Variants in WWP2 observed in about 807,000 individuals in gnomAD.
WWP2 encodes WW domain containing E3 ubiquitin protein ligase 2, also known as NEDD4-like E3 ubiquitin-protein ligase WWP2.
Under a neutral mutation model 121.0 loss-of-function variants are expected in WWP2, and 57 were observed. The observed-to-expected ratio is 0.47, with a 90% confidence interval of 0.38 to 0.59. WWP2 has a LOEUF of 0.59. WWP2 is among the 20% of genes least tolerant of loss of function. The pLI, the probability that WWP2 is intolerant of heterozygous loss-of-function variation, is 0.00. For synonymous variants in WWP2, 449 were observed against 441.3 expected (o/e 1.02, Z -0.22); for missense variants, 962 against 1,158.9 (o/e 0.83, Z 2.47).
chr16:69,933,163 A>G (rs1401909782), intron 16 of WWP2: 1 of 498,618 alleles, frequency 2.0e-6, no homozygotes, highest in South Asian at 1.5e-5. Flanking sequence ...AGAACCACGG[A>G]CAGGATACCG....
In WWP2 at chr16:69,925,658, C is replaced by A. The variant is rs2058629593; in HGVS notation, c.1234+174C>A. On this transcript the variant is annotated intron_variant, in intron 11 of 23. Coordinates refer to ENST00000359154, the MANE Select transcript of WWP2 (RefSeq NM_001270454.2). This position sits in a 1 kb window ranked among gnomAD's most constrained non-coding sequence, Gnocchi z 4.0. The stretch of plus-strand genomic sequence containing the variant: ...AGCAATTACAGGTGATGGAGCTGGG[C>A]AGCTGGGAAAGTAACCAAGCTCCAC... 6.6e-6 allele frequency among the ~76,000 whole-genome samples: 1 copy of A among 152,202 alleles called. No individual in the cohort carries two copies. The highest frequency in any genetic ancestry group is 2.1e-4 in the South Asian group (1 of 4,828).
intron 10 of WWP2, among the ~76,000 whole-genome samples, chr16:69,921,347 T>C (rs1349312938): frequency 6.6e-6 from 1 of 152,216 alleles, no homozygotes; most frequent in Non-Finnish European, 1.5e-5. Context: ...TAAGACCCAA[T>C]ACTAGACTAG....
chr16:69,932,444 G>A (rs1211362622), intron 16 of WWP2, among the ~76,000 whole-genome samples: 1 of 152,270 alleles, frequency 6.6e-6, no homozygotes, highest in Non-Finnish European at 1.5e-5. Flanking sequence ...TTTAGTTACT[G>A]GGTCATGAGG....
At chr16:69,763,839 C>T (rs756321218) in intron 1 of WWP2, among the ~76,000 whole-genome samples, 18 of 152,166 alleles carry the variant, frequency 1.2e-4, no homozygotes, top group Admixed American at 2.6e-4. Flanking sequence ...GTCACACCGG[C>T]GTAAGTGGTG....
chr16:69,862,869 G>A (rs928848001), intron 6 of WWP2, among the ~76,000 whole-genome samples: 1 of 151,900 alleles, frequency 6.6e-6, no homozygotes, highest in Non-Finnish European at 1.5e-5. Flanking sequence ...GGGATCACAG[G>A]CACTTGCCAC....
chr16:69,909,205 C>T, intron 9 of WWP2: 1 of 1,013,400 alleles, frequency 9.9e-7, no homozygotes, highest in Non-Finnish European at 1.2e-6. Flanking sequence ...ATGAGAGAGG[C>T]TTCCAAGAGA....
At chr16:69,833,041 T>G (rs942743620) in intron 4 of WWP2, among the ~76,000 whole-genome samples, 2 of 151,858 alleles carry the variant, frequency 1.3e-5, no homozygotes, top group African/African-American at 4.8e-5. Flanking sequence ...TTATTTTTTA[T>G]ACAGATGGGG....
intron 7 of WWP2, among the ~76,000 whole-genome samples, chr16:69,887,698 G>T (rs993593095): frequency 1.3e-5 from 2 of 152,012 alleles, no homozygotes; most frequent in South Asian, 4.1e-4. Context: ...GAGCCACTGC[G>T]CCTGGCCCCA....
intron 7 of WWP2, among the ~76,000 whole-genome samples, chr16:69,886,839 A>T (rs957819616): frequency 6.6e-5 from 10 of 152,224 alleles, no homozygotes; most frequent in African/African-American, 1.9e-4. Flanking sequence ...AGCTCCCTGT[A>T]AGAAACGTTC....
intron 4 of WWP2, among the ~76,000 whole-genome samples, chr16:69,830,446 T>C (rs905095885): frequency 2.0e-5 from 3 of 152,202 alleles, no homozygotes; most frequent in African/African-American, 7.2e-5. Flanking sequence ...GTAAACTGGC[T>C]TTGTAAAAAT....
intron 7 of WWP2, among the ~76,000 whole-genome samples, chr16:69,878,526 T>G (rs549774681): frequency 5.4e-4 from 82 of 152,320 alleles, no homozygotes; most frequent in Middle Eastern, 3.4e-3. Flanking sequence ...TTCATTTTTC[T>G]TTTTTAAAAT....
intron 6 of WWP2, among the ~76,000 whole-genome samples, chr16:69,862,708 CTTTT>C (rs546868069): frequency 9.1e-5 from 7 of 76,506 alleles, no homozygotes; most frequent in African/African-American, 3.5e-4. Context: ...GCCATGAATT[CTTTT>C]TTTTTTTTTT....
chr16:69,806,986 ATTC>A (rs925713406), intron 4 of WWP2, among the ~76,000 whole-genome samples: 2 of 148,688 alleles, frequency 1.3e-5, no homozygotes, highest in African/African-American at 2.5e-5. Context: ...TCATTCATTC[ATTC>A]ATTTATAGCT....
At chr16:69,852,915 G>T (rs2057245825) in intron 6 of WWP2, among the ~76,000 whole-genome samples, 1 of 152,160 alleles carries the variant, frequency 6.6e-6, no homozygotes, top group South Asian at 2.1e-4. Flanking sequence ...AGATCTTATG[G>T]TCAGCAAAAC....
At chr16:69,885,075 A>G (rs3902822) in intron 7 of WWP2, among the ~76,000 whole-genome samples, 3,870 of 150,654 alleles carry the variant, frequency 0.026, 270 homozygotes, top group East Asian at 0.16. Flanking sequence ...CCCTACACAC[A>G]CACACCACTC....
At chr16:69,826,091 AC>A (rs1212608291) in intron 4 of WWP2, among the ~76,000 whole-genome samples, 1 of 150,594 alleles carries the variant, frequency 6.6e-6, no homozygotes, top group Non-Finnish European at 1.5e-5. Context: ...ACATCATGAA[AC>A]CCCATCTGCA....
rs781763876 is a variant in WWP2 at position 69,871,919 on chromosome 16, G to A, written c.691G>A (p.Ala231Thr). 1.9e-6 allele frequency: 3 copies of A among 1,613,584 alleles called. No individual in the cohort carries two copies. The highest frequency in any genetic ancestry group is 3.3e-5 in the Admixed American group (2 of 59,978). Reference sequence around the variant, plus strand: ...CAAGAACTCAGGCCACAGTGGCTTGGCCAATGGCACAGGTGAGTGATGGCA... The same window carrying A: ...CAAGAACTCAGGCCACAGTGGCTTGACCAATGGCACAGGTGAGTGATGGCA... The part of the protein sequence containing the change: ...PVKNSGHSGL[A>T]NGTVNDEPTT... The change falls in exon 7 of 24, where the codon GCC becomes ACC. Residue 231 changes from alanine to threonine, a missense_variant. By Grantham distance (58) the Ala-to-Thr change is moderately conservative (BLOSUM62 0). Transcript: ENST00000359154.
chr16:69,908,547 C>G (rs1376211940), intron 8 of WWP2, among the ~76,000 whole-genome samples: 2 of 152,212 alleles, frequency 1.3e-5, no homozygotes, highest in African/African-American at 2.4e-5. Flanking sequence ...TCCATTGATT[C>G]CATACAGGGG....
chr16:69,803,517 C>G (rs2056215059), intron 4 of WWP2, among the ~76,000 whole-genome samples: 1 of 152,118 alleles, frequency 6.6e-6, no homozygotes, highest in African/African-American at 2.4e-5. Flanking sequence ...TTGCTTGAAC[C>G]TGGGTTTGGG....
Sources: gnomAD v4.1 joint callset for allele counts (sites outside exome capture counted in the v4.1 genomes callset) on GRCh38, gnomAD v4.1.1 for gene constraint, Gnocchi (gnomAD v3.1) non-coding constraint, MANE v1.5 for transcripts, NCBI Gene and HGNC (gene_info 2026-07-23, HGNC 2026-07-21) for gene names.